PRR16: variants seen among roughly 807,000 people sequenced by gnomAD.
The protein encoded by PRR16 is protein Largen.
A neutral mutation model predicts 18.2 loss-of-function variants in PRR16; 6 were observed. That is an observed-to-expected ratio of 0.33 (90% CI 0.18 to 0.65). The LOEUF (loss-of-function observed/expected upper bound fraction) is 0.65, where lower values mean the gene tolerates loss of function less well. Among genes scored for constraint, PRR16 ranks in the 30% least tolerant of loss-of-function variants. The probability of loss-of-function intolerance (pLI) is 0.74; values close to 1 mark genes in which losing one functional copy is unlikely to be tolerated. For missense variants in PRR16, 412 were observed against 376.6 expected, an observed-to-expected ratio of 1.09 and a Z score of -0.78; for synonymous variants, 151 against 147.8, an observed-to-expected ratio of 1.02 and a Z score of -0.16.
chr5:120,593,486 C>T (rs1753704411), intron 1 of PRR16, among the ~76,000 whole-genome samples: 1 of 150,790 alleles, frequency 6.6e-6, no homozygotes, highest in Non-Finnish European at 1.5e-5. Context: ...CAGTAATGAG[C>T]TCCAAAACTG....
chr5:120,592,726 A>T (rs1753674757), intron 1 of PRR16, among the ~76,000 whole-genome samples: 1 of 152,122 alleles, frequency 6.6e-6, no homozygotes, highest in Admixed American at 6.6e-5. Context: ...AAATGACTTT[A>T]GATTTCATAA....
At chr5:120,485,372 T>C (rs189574393) in intron 1 of PRR16, among the ~76,000 whole-genome samples, 125 of 152,292 alleles carry the variant, frequency 8.2e-4, no homozygotes, top group African/African-American at 2.9e-3. Context: ...AATGAAATAT[T>C]ATAAAAAGAC....
intron 1 of PRR16, among the ~76,000 whole-genome samples, chr5:120,581,252 G>T (rs1753262255): frequency 6.6e-6 from 1 of 152,134 alleles, no homozygotes; most frequent in Non-Finnish European, 1.5e-5. Context: ...AGTCTTGGTA[G>T]GATGTATGCA....
the PRR16 span, among the ~76,000 whole-genome samples, chr5:120,792,394 T>G: frequency 6.6e-6 from 1 of 152,214 alleles, no homozygotes; most frequent in African/African-American, 2.4e-5. Context: ...TATATTTACT[T>G]TCTTAGTTAT....
At chr5:120,475,124 T>C (rs1749398841) in intron 1 of PRR16, among the ~76,000 whole-genome samples, 1 of 152,162 alleles carries the variant, frequency 6.6e-6, no homozygotes, top group Non-Finnish European at 1.5e-5. Context: ...TTAATCCTCA[T>C]AGCCACCCTT....
intron 1 of PRR16, among the ~76,000 whole-genome samples, chr5:120,470,420 T>C (rs1749231340): frequency 1.3e-5 from 2 of 152,170 alleles, no homozygotes; most frequent in Non-Finnish European, 1.5e-5. Context: ...ACTAAACATT[T>C]TGTCATATTT....
At chr5:120,582,675 C>G (rs977861628) in intron 1 of PRR16, among the ~76,000 whole-genome samples, 1 of 151,700 alleles carries the variant, frequency 6.6e-6, no homozygotes, top group Non-Finnish European at 1.5e-5. Flanking sequence ...ATTTTCTGAA[C>G]GATTTTTTAA....
chr5:120,759,488 A>G, the PRR16 span, among the ~76,000 whole-genome samples: 1 of 152,132 alleles, frequency 6.6e-6, no homozygotes, highest in Non-Finnish European at 1.5e-5. Flanking sequence ...ATATAGATAC[A>G]GTAAAAATAT....
intron 1 of PRR16, among the ~76,000 whole-genome samples, chr5:120,556,601 T>A (rs1278883761): frequency 6.6e-6 from 1 of 151,992 alleles, no homozygotes; most frequent in Non-Finnish European, 1.5e-5. Flanking sequence ...TTTCATTTTC[T>A]CAACAGTTTC....
At chr5:120,678,839 A>G (rs1294226192) in intron 1 of PRR16, among the ~76,000 whole-genome samples, 1 of 152,144 alleles carries the variant, frequency 6.6e-6, no homozygotes, top group Non-Finnish European at 1.5e-5. Flanking sequence ...TGACACCTCT[A>G]TGGTGCCATT....
At chr5:120,725,969 T>C in the PRR16 span, among the ~76,000 whole-genome samples, 3 of 152,054 alleles carry the variant, frequency 2.0e-5, 1 homozygote, top group Admixed American at 2.0e-4. Context: ...GAGCTGTGGG[T>C]GACGTAGTCA....
At chr5:120,481,070 G>A (rs2112810495) in intron 1 of PRR16, 1 of 1,146,728 alleles carries the variant, frequency 8.7e-7, no homozygotes, top group Non-Finnish European at 1.1e-6. Flanking sequence ...GCAATACTTT[G>A]GCCCATCTAA....
At chr5:120,761,255 ATTGT>A in the PRR16 span, among the ~76,000 whole-genome samples, 1 of 151,986 alleles carries the variant, frequency 6.6e-6, no homozygotes, top group African/African-American at 2.4e-5. Context: ...AGGAAACTGG[ATTGT>A]TTAACTCATA....
chr5:120,584,254 T>G (rs561367043), intron 1 of PRR16, among the ~76,000 whole-genome samples: 2 of 152,284 alleles, frequency 1.3e-5, no homozygotes, highest in African/African-American at 4.8e-5. Flanking sequence ...TTACCTGAAA[T>G]GACTATATAA....
chr5:120,614,720 T>A (rs1754450138), intron 1 of PRR16, among the ~76,000 whole-genome samples: 1 of 152,192 alleles, frequency 6.6e-6, no homozygotes, highest in East Asian at 1.9e-4. Context: ...GTAATAGTTT[T>A]TCCACTGTGC....
the PRR16 span, among the ~76,000 whole-genome samples, chr5:120,778,183 T>C: frequency 6.6e-6 from 1 of 152,092 alleles, no homozygotes; most frequent in South Asian, 2.1e-4. Context: ...ATAATAGGTG[T>C]TAAAAAAAGA....
the PRR16 span, among the ~76,000 whole-genome samples, chr5:120,755,347 T>C: frequency 6.6e-6 from 1 of 152,090 alleles, no homozygotes; most frequent in African/African-American, 2.4e-5. Flanking sequence ...GTACTGGGCA[T>C]AGTATCCAAT....
the PRR16 span, among the ~76,000 whole-genome samples, chr5:120,722,169 G>C: frequency 1.3e-5 from 2 of 151,882 alleles, no homozygotes; most frequent in African/African-American, 2.4e-5. Flanking sequence ...ATGGTTTCAG[G>C]CTTCATCCAT....
intron 1 of PRR16, among the ~76,000 whole-genome samples, chr5:120,508,398 T>C (rs2112853271): frequency 6.6e-6 from 1 of 152,244 alleles, no homozygotes; most frequent in East Asian, 1.9e-4. Flanking sequence ...TTGAACACAA[T>C]TTTTAACTGT....
Sources: gnomAD v4.1 joint callset for allele counts (sites outside exome capture counted in the v4.1 genomes callset) on GRCh38, gnomAD v4.1.1 for gene constraint, MANE v1.5 for transcripts, NCBI Gene and HGNC (gene_info 2026-07-23, HGNC 2026-07-21) for gene names.